Variants in SEMA4D observed in about 807,000 individuals in gnomAD.
The protein encoded by SEMA4D is semaphorin 4D.
A neutral mutation model predicts 74.8 loss-of-function variants in SEMA4D; 22 were observed. The ratio of observed to expected loss-of-function variants is 0.29; its 90% CI spans 0.21 to 0.42. SEMA4D has a LOEUF of 0.42. SEMA4D is among the 10% of genes least tolerant of loss of function. The probability of loss-of-function intolerance (pLI) is 1.00; values close to 1 mark genes in which losing one functional copy is unlikely to be tolerated. For missense variants in SEMA4D, 937 were observed against 1,118.4 expected (o/e 0.84, Z 2.31); for synonymous variants, 445 against 463.7 (o/e 0.96, Z 0.52).
chr9:89,429,108 A>G (rs73486149), intron 2 of SEMA4D, among the ~76,000 whole-genome samples: 1,898 of 152,268 alleles, frequency 0.012, 38 homozygotes, highest in African/African-American at 0.044. Flanking sequence ...CTCCTTCCCC[A>G]AATGCAGGTT....
chr9:89,401,081 G>T (rs1842121430), intron 4 of SEMA4D, among the ~76,000 whole-genome samples: 1 of 152,106 alleles, frequency 6.6e-6, no homozygotes, highest in East Asian at 1.9e-4. Flanking sequence ...TTGAGACAGG[G>T]TCTCGCTCTG....
intron 2 of SEMA4D, among the ~76,000 whole-genome samples, chr9:89,442,726 T>A (rs1310145645): frequency 6.6e-6 from 1 of 151,834 alleles, no homozygotes; most frequent in African/African-American, 2.4e-5. Flanking sequence ...GTTCCTGGGG[T>A]TCATAACTGC....
chr9:89,457,793 G>T (rs577318708), intron 1 of SEMA4D, among the ~76,000 whole-genome samples: 36 of 152,074 alleles, frequency 2.4e-4, no homozygotes, highest in Non-Finnish European at 4.4e-4. Context: ...CAGCCCTTTG[G>T]GAGGCCGAAG....
At chr9:89,405,986 A>T in intron 2 of SEMA4D, 7 of 1,070,066 alleles carry the variant, frequency 6.5e-6, no homozygotes, top group Non-Finnish European at 7.9e-6. Context: ...CGGCAGACAC[A>T]CATGGCCGGC....
At chr9:89,493,366 G>A (rs561946771) in intron 1 of SEMA4D, among the ~76,000 whole-genome samples, 3 of 152,318 alleles carry the variant, frequency 2.0e-5, no homozygotes, top group Non-Finnish European at 4.4e-5. Flanking sequence ...CATGTGCCAA[G>A]ACCCTCAGCC....
chr9:89,374,029 A>T (rs1835460000), downstream of SEMA4D, among the ~76,000 whole-genome samples: 1 of 152,132 alleles, frequency 6.6e-6, no homozygotes, highest in Admixed American at 6.5e-5. Flanking sequence ...GGCTGAAGCC[A>T]CTCTCTCCTA....
intron 1 of SEMA4D, among the ~76,000 whole-genome samples, chr9:89,466,808 G>A (rs1858848676): frequency 6.6e-6 from 1 of 152,206 alleles, no homozygotes; most frequent in Non-Finnish European, 1.5e-5. Flanking sequence ...TCACCTCGGA[G>A]TGCACATGAC....
Position 89,389,173 on chromosome 9 carries a change from G to A in SEMA4D, c.775-126C>T, listed in dbSNP as rs1588232243. 3.3e-6 allele frequency: 3 copies of A among 915,142 alleles called. No individual in the cohort carries two copies. The East Asian group carries it at 7.4e-5, about 22-fold the overall frequency. The allele number at this position is 915,142 out of a possible 1,614,324, so 56.7% of individuals were successfully genotyped here. A position where few individuals can be genotyped will look rare whatever the true frequency, so the allele number is the denominator to read the frequency against. On this transcript the variant is annotated intron_variant, in intron 9 of 15. Coordinates refer to ENST00000422704, the MANE Select transcript of SEMA4D (RefSeq NM_001371194.2). ...CTGTGCCTGACTGAAACAAAGCTCG[G>A]GCAACAGGAGACAGATGCCGCAATT...
At chr9:89,396,121 G>A (rs559049918) in intron 6 of SEMA4D, among the ~76,000 whole-genome samples, 2 of 152,294 alleles carry the variant, frequency 1.3e-5, no homozygotes, top group East Asian at 1.9e-4. Flanking sequence ...GACAGAGGCC[G>A]GACTTGCTTC....
At chr9:89,362,296 C>G in exon 19 of SEMA4D, 1 of 1,595,428 alleles carries the variant, frequency 6.3e-7, no homozygotes. Flanking sequence ...TTGGGCAAGA[C>G]AGTTCACAGT....
At chr9:89,374,058 A>T (rs1352523207), downstream of SEMA4D, among the ~76,000 whole-genome samples, 1 of 152,202 alleles carries the variant, frequency 6.6e-6, no homozygotes, top group African/African-American at 2.4e-5. Context: ...CTCCCTGGGG[A>T]GGTCTCACAG....
intron 2 of SEMA4D, among the ~76,000 whole-genome samples, chr9:89,447,626 T>C (rs764006290): frequency 8.6e-5 from 13 of 151,852 alleles, no homozygotes; most frequent in Non-Finnish European, 1.8e-4. Flanking sequence ...CCAGCACCGC[T>C]CTCCCAGACC....
intron 2 of SEMA4D, among the ~76,000 whole-genome samples, chr9:89,410,493 A>C (rs1043898866): frequency 6.6e-6 from 1 of 152,196 alleles, no homozygotes; most frequent in African/African-American, 2.4e-5. Context: ...GCAAGCTTAA[A>C]AGTAAAATGT....
intron 6 of SEMA4D, among the ~76,000 whole-genome samples, chr9:89,396,339 T>C (rs1840954077): frequency 6.6e-6 from 1 of 152,138 alleles, no homozygotes; most frequent in East Asian, 1.9e-4. Context: ...GTCTGTCCTT[T>C]CCAGCACGTC....
downstream of SEMA4D, chr9:89,376,996 G>A (rs1012219071): frequency 3.2e-6 from 5 of 1,549,742 alleles, no homozygotes; most frequent in Non-Finnish European, 3.5e-6. Flanking sequence ...CCCCCACATG[G>A]CCCAGACAGG....
Position 89,378,844 on chromosome 9 carries a change from T to A in SEMA4D, c.2449A>T (p.Thr817Ser). ...PKPALDTGYE[T>S]EQDTITSKVP... is the part of the protein sequence containing the mutation. ...TTGCTGGTGATGGTGTCTTGCTCGG[T>A]CTCATAGCCGGTGTCCAGGGCTGGC... Residue 817 changes from threonine (T) to serine (S), a missense_variant, in exon 16 of 16, where the codon ACC becomes TCC. Transcript: ENST00000422704. 1 of 1,614,182 alleles carries A rather than the reference T, an allele frequency of 6.2e-7. No individual in the cohort carries two copies. The highest frequency in any genetic ancestry group is 2.2e-5 in the East Asian group (1 of 44,872).
At chr9:89,497,637 G>T (rs1367740113) in intron 1 of SEMA4D, among the ~76,000 whole-genome samples, 1 of 151,774 alleles carries the variant, frequency 6.6e-6, no homozygotes, top group Admixed American at 6.6e-5. Flanking sequence ...CCGGGAAGGG[G>T]AGAAGGCCGG....
In SEMA4D at chr9:89,378,378, A is replaced by G; in HGVS notation, c.*326T>C. ...GGGAAGCTGAAGGGATGCTCTTCTC[A>G]GCCAACAGAGGTCCAGCCACCTTTC... is the stretch of plus-strand genomic sequence containing the variant. On this transcript the variant is annotated 3_prime_UTR_variant, in exon 16 of 16. Transcript: ENST00000422704. 1 of 261,028 alleles carries G rather than the reference A, an allele frequency of 3.8e-6. No homozygotes were observed. The highest frequency in any genetic ancestry group is 7.4e-6 in the Non-Finnish European group (1 of 135,774). 16.2% of individuals were successfully genotyped at this position (261,028 alleles called of 1,614,324 possible).
intron 2 of SEMA4D, among the ~76,000 whole-genome samples, chr9:89,432,291 T>C (rs1849449558): frequency 6.6e-6 from 1 of 152,206 alleles, no homozygotes; most frequent in African/African-American, 2.4e-5. Context: ...ATGGATTGGG[T>C]CATTTTTACT....
Sources: gnomAD v4.1 joint callset for allele counts (sites outside exome capture counted in the v4.1 genomes callset) on GRCh38, gnomAD v4.1.1 for gene constraint, MANE v1.5 for transcripts, NCBI Gene and HGNC (gene_info 2026-07-23, HGNC 2026-07-21) for gene names.